NTN1: variants seen among roughly 807,000 people sequenced by gnomAD.
NTN1 encodes netrin-1.
A neutral mutation model predicts 54.2 loss-of-function variants in NTN1; 11 were observed. The ratio of observed to expected loss-of-function variants is 0.20; its 90% CI spans 0.13 to 0.34. The LOEUF (loss-of-function observed/expected upper bound fraction) is 0.34, where lower values mean the gene tolerates loss of function less well. Ranked by LOEUF, NTN1 falls within the 10% of genes least tolerant of loss-of-function variation. The pLI is 1.00. For synonymous variants in NTN1, 371 were observed against 382.0 expected (o/e 0.97, Z 0.33); for missense variants, 740 against 893.1 (o/e 0.83, Z 2.18).
intron 2 of NTN1, among the ~76,000 whole-genome samples, chr17:9,133,586 ATTT>A (rs544456345): frequency 1.3e-3 from 168 of 131,026 alleles, no homozygotes; most frequent in African/African-American, 4.4e-3. Flanking sequence ...TTCTCATTGA[ATTT>A]TTTTTTTTTT....
At chr17:9,217,955 C>T (rs1300424135) in intron 5 of NTN1, among the ~76,000 whole-genome samples, 1 of 151,774 alleles carries the variant, frequency 6.6e-6, no homozygotes. Flanking sequence ...CCTGTGAGCA[C>T]TCTCCAGTTT....
At chr17:9,180,058 TG>T (rs2092414106) in intron 4 of NTN1, 102 bp downstream of exon 4, 1 of 1,344,804 alleles carries the variant, frequency 7.4e-7, no homozygotes, top group South Asian at 1.5e-5. Context: ...CTTTTTTGGT[TG>T]GTTGAGTCTC....
chr17:9,234,308 G>A (rs903636350), intron 6 of NTN1, among the ~76,000 whole-genome samples: 1 of 152,196 alleles, frequency 6.6e-6, no homozygotes, highest in African/African-American at 2.4e-5. Context: ...CACCCCACCT[G>A]CATGCAGCCT....
At position 9,029,436 on chromosome 17, in the gene NTN1, C is replaced by T. The variant is rs144476089; in HGVS notation, c.1018+6045C>T. Among the ~76,000 whole-genome samples the T allele has an allele frequency of 7.9e-5, 12 of 152,146 alleles. No individual in the cohort carries two copies. The East Asian group carries it at 1.7e-3, about 22-fold the overall frequency. The stretch of plus-strand genomic sequence containing the variant: ...CAGAGAGAGCAGGGGGTATCAGGAG[C>T]GTTTGCTTGGAAGACTGATCACATA... On this transcript the variant is annotated intron_variant, in intron 2 of 6. Coordinates refer to ENST00000173229, the MANE Select transcript of NTN1 (RefSeq NM_004822.3).
intron 2 of NTN1, among the ~76,000 whole-genome samples, chr17:9,146,647 T>C (rs2092314308): frequency 6.6e-6 from 1 of 152,120 alleles, no homozygotes; most frequent in African/African-American, 2.4e-5. Flanking sequence ...CTGGCAGCCA[T>C]GCCCTCTGGG....
chr17:9,232,656 C>T (rs1358274120), intron 6 of NTN1, among the ~76,000 whole-genome samples: 5 of 152,180 alleles, frequency 3.3e-5, no homozygotes, highest in East Asian at 1.9e-4. Context: ...CTGAGGGCAG[C>T]GGTGGCAGTT....
At chr17:9,008,560 T>C in the NTN1 span, among the ~76,000 whole-genome samples, 1 of 152,116 alleles carries the variant, frequency 6.6e-6, no homozygotes, top group Non-Finnish European at 1.5e-5. Flanking sequence ...TGACCTCAAA[T>C]GATTGGCCCA....
chr17:9,230,669 A>T (rs1014181347), intron 6 of NTN1, among the ~76,000 whole-genome samples: 1 of 126,288 alleles, frequency 7.9e-6, no homozygotes, highest in African/African-American at 2.8e-5. Flanking sequence ...CTCCAGGCCC[A>T]GGAGGCTCTG....
At chr17:9,065,352 C>G (rs1159133651) in intron 2 of NTN1, among the ~76,000 whole-genome samples, 1 of 152,174 alleles carries the variant, frequency 6.6e-6, no homozygotes, top group Non-Finnish European at 1.5e-5. Context: ...TCCTGGTTTC[C>G]TGCCCACACT....
At chr17:9,069,846 C>A (rs1431376588) in intron 2 of NTN1, among the ~76,000 whole-genome samples, 1 of 152,202 alleles carries the variant, frequency 6.6e-6, no homozygotes, top group Non-Finnish European at 1.5e-5. Context: ...TGTATTCTAC[C>A]TTTGCCCACT....
intron 2 of NTN1, among the ~76,000 whole-genome samples, chr17:9,094,052 C>G (rs1200453432): frequency 6.6e-6 from 1 of 152,178 alleles, no homozygotes; most frequent in East Asian, 1.9e-4. Context: ...AGTATACATA[C>G]TATTTACATT....
intron 6 of NTN1, among the ~76,000 whole-genome samples, chr17:9,226,885 C>T (rs1024225230): frequency 4.6e-5 from 7 of 151,996 alleles, no homozygotes; most frequent in Non-Finnish European, 7.4e-5. Flanking sequence ...CCTGCGGTCA[C>T]ACAGCACACA....
chr17:9,041,203 A>C (rs2091920263), intron 2 of NTN1, among the ~76,000 whole-genome samples: 1 of 152,152 alleles, frequency 6.6e-6, no homozygotes. Flanking sequence ...TTGATTTCTG[A>C]GGTATAATTC....
At chr17:9,012,984 G>A in the NTN1 span, among the ~76,000 whole-genome samples, 16 of 152,120 alleles carry the variant, frequency 1.1e-4, no homozygotes, top group African/African-American at 3.9e-4. Context: ...GCTCTTTAAA[G>A]GGGGATGTAT....
At position 9,219,029 on chromosome 17, in the gene NTN1, A is replaced by G. The variant is rs1325218114; in HGVS notation, c.1412-2139A>G. Among the ~76,000 whole-genome samples, 1 of 152,196 alleles carries G rather than the reference A, an allele frequency of 6.6e-6. No homozygotes were observed. Among genetic ancestry groups the G allele is most frequent in the Non-Finnish European group, 1.5e-5 (1 of 68,032 alleles). ...CCCTAAGTGGAGAAAGCAGGAAGGG[A>G]TTTCAGCCAGCTCACGCAGAATCGC... On this transcript the variant is annotated intron_variant, in intron 5 of 6. Coordinates refer to ENST00000173229, the MANE Select transcript of NTN1 (RefSeq NM_004822.3). This position sits in a 1 kb window ranked among gnomAD's most constrained non-coding sequence, Gnocchi z 4.5.
At chr17:9,084,113 C>A (rs1372590249) in intron 2 of NTN1, among the ~76,000 whole-genome samples, 11 of 152,124 alleles carry the variant, frequency 7.2e-5, no homozygotes. Context: ...TGTAGAAATG[C>A]AGAATTGTTA....
chr17:9,018,549 G>A (rs984424075), upstream of NTN1, among the ~76,000 whole-genome samples: 8 of 149,482 alleles, frequency 5.4e-5, no homozygotes, highest in African/African-American at 1.5e-4. Context: ...CAGGAGAATC[G>A]CTTGAACCCG....
chr17:9,222,260 T>TA (rs1189544421), intron 6 of NTN1, among the ~76,000 whole-genome samples: 1 of 152,196 alleles, frequency 6.6e-6, no homozygotes, highest in African/African-American at 2.4e-5. Flanking sequence ...CAGCTGGACA[T>TA]AGCCCATCTT....
At chr17:9,084,158 A>G (rs2092082528) in intron 2 of NTN1, among the ~76,000 whole-genome samples, 1 of 152,328 alleles carries the variant, frequency 6.6e-6, no homozygotes, top group Admixed American at 6.5e-5. Flanking sequence ...CCCAGGCTGG[A>G]GTGCAGTGGC....
Sources: gnomAD v4.1 joint callset for allele counts (sites outside exome capture counted in the v4.1 genomes callset) on GRCh38, gnomAD v4.1.1 for gene constraint, Gnocchi (gnomAD v3.1) non-coding constraint, MANE v1.5 for transcripts, NCBI Gene and HGNC (gene_info 2026-07-23, HGNC 2026-07-21) for gene names.